The following MYO18B variants were observed in gnomAD, a reference collection of about 807,000 sequenced individuals.
The protein encoded by MYO18B is myosin XVIIIB.
In MYO18B, 204 loss-of-function variants were observed where a neutral mutation model predicts 273.0. That is an observed-to-expected ratio of 0.75 (90% CI 0.67 to 0.84). The LOEUF (loss-of-function observed/expected upper bound fraction) is 0.84. Among genes scored for constraint, MYO18B ranks in the 40% least tolerant of loss-of-function variants. MYO18B has a pLI of 0.00. For missense variants in MYO18B, 3,212 were observed against 3,287.6 expected (o/e 0.98, Z 0.56); for synonymous variants, 1,330 against 1,305.7 (o/e 1.02, Z -0.40).
intron 33 of MYO18B, among the ~76,000 whole-genome samples, chr22:25,920,654 A>C (rs2092327155): frequency 6.6e-6 from 1 of 152,250 alleles, no homozygotes; most frequent in Admixed American, 6.5e-5. Context: ...GAAAGGATTG[A>C]CTTCAAAAGG....
At chr22:25,792,513 TG>T (rs2087721994) in intron 11 of MYO18B, among the ~76,000 whole-genome samples, 1 of 145,404 alleles carries the variant, frequency 6.9e-6, no homozygotes, top group African/African-American at 2.5e-5. Context: ...TTTTTTTTTT[TG>T]AGACAGAGTC....
At chr22:26,014,166 A>G (rs1188986924) in intron 42 of MYO18B, among the ~76,000 whole-genome samples, 2 of 152,186 alleles carry the variant, frequency 1.3e-5, no homozygotes, top group Non-Finnish European at 2.9e-5. Flanking sequence ...ATGAATTGAT[A>G]CTTATTTGTG....
chr22:25,943,641 C>T (rs2092670330), intron 34 of MYO18B, among the ~76,000 whole-genome samples: 1 of 151,852 alleles, frequency 6.6e-6, no homozygotes, highest in South Asian at 2.1e-4. Flanking sequence ...AGGGCCTTTG[C>T]ACTTGCTATT....
chr22:25,788,860 G>A (rs1055756959), intron 11 of MYO18B, among the ~76,000 whole-genome samples: 4 of 152,128 alleles, frequency 2.6e-5, no homozygotes, highest in South Asian at 4.2e-4. Flanking sequence ...CAGTACCAGC[G>A]GTTAAGCTGG....
chr22:25,757,870 CT>C (rs1350212963), intron 1 of MYO18B, among the ~76,000 whole-genome samples: 1 of 152,206 alleles, frequency 6.6e-6, no homozygotes, highest in Non-Finnish European at 1.5e-5. Flanking sequence ...TGTACTCAAT[CT>C]TACTTTACAA....
chr22:25,881,053 G>T (rs569652061), intron 25 of MYO18B, among the ~76,000 whole-genome samples: 73 of 152,340 alleles, frequency 4.8e-4, no homozygotes, highest in African/African-American at 1.5e-3. Flanking sequence ...ATGGACAATG[G>T]TAACTGTAAA....
intron 15 of MYO18B, 29 bp from the exon 16 acceptor site, chr22:25,832,888 G>A: frequency 6.3e-7 from 1 of 1,592,660 alleles, no homozygotes; most frequent in Non-Finnish European, 8.6e-7. Context: ...CGCTAAAAGT[G>A]CTAACTTTTA....
At chr22:25,946,319 A>T (rs746210290) in intron 35 of MYO18B, 69 bp downstream of exon 35, 10 of 1,097,694 alleles carry the variant, frequency 9.1e-6, no homozygotes, top group Non-Finnish European at 1.2e-5. Flanking sequence ...GTGTGGGCCT[A>T]GTGTGCGCTC....
At chr22:25,837,990 C>T (rs1307799592) in intron 17 of MYO18B, among the ~76,000 whole-genome samples, 2 of 151,992 alleles carry the variant, frequency 1.3e-5, no homozygotes, top group Non-Finnish European at 2.9e-5. Flanking sequence ...GGTATTAAGC[C>T]CAGCATCCAG....
chr22:25,744,228 A>T (rs1383580637), intron 1 of MYO18B, among the ~76,000 whole-genome samples: 1 of 152,156 alleles, frequency 6.6e-6, no homozygotes, highest in East Asian at 1.9e-4. Context: ...TAAGATCAAG[A>T]CTTTCTATGG....
At chr22:26,052,896 G>A in the MYO18B span, among the ~76,000 whole-genome samples, 4 of 149,488 alleles carry the variant, frequency 2.7e-5, no homozygotes, top group African/African-American at 9.9e-5. Context: ...TCTGCCTCCC[G>A]GGTTCATGCC....
chr22:26,051,216 CTTTTTT>C, the MYO18B span, among the ~76,000 whole-genome samples: 1 of 92,584 alleles, frequency 1.1e-5, no homozygotes, highest in South Asian at 4.6e-4. Context: ...TAATTGGTCC[CTTTTTT>C]TTTTTTTTTT....
the MYO18B span, among the ~76,000 whole-genome samples, chr22:26,050,275 T>C: frequency 1.3e-5 from 2 of 152,212 alleles, no homozygotes; most frequent in Non-Finnish European, 2.9e-5. Flanking sequence ...GTGTCATAAT[T>C]ACACACCGGA....
At chr22:25,912,655 T>G (rs2092180650) in intron 33 of MYO18B, among the ~76,000 whole-genome samples, 1 of 152,218 alleles carries the variant, frequency 6.6e-6, no homozygotes, top group African/African-American at 2.4e-5. Context: ...CACTCAGGGT[T>G]CACATAAATT....
In MYO18B at chr22:25,826,481, T is replaced by C. The variant is rs2145907185; in HGVS notation, c.2768T>C (p.Val923Ala). Residue 923 changes from valine (V) to alanine (A), a missense_variant, in exon 14 of 44, where the codon GTG becomes GCG. Transcript: ENST00000335473. Reference sequence around the variant, plus strand: ...CTGTACCAGGAACTCTTTGCGGCTGTGGTCTCACTCATCAACAGGTAACGG... The same window carrying C: ...CTGTACCAGGAACTCTTTGCGGCTGCGGTCTCACTCATCAACAGGTAACGG... Reference protein sequence around the residue: ...SGLYQELFAAVVSLINRSFSS... With the variant: ...SGLYQELFAAAVSLINRSFSS... 1.9e-6 allele frequency: 3 copies of C among 1,613,786 alleles called. No homozygotes were observed. The highest frequency in any genetic ancestry group is 2.5e-6 in the Non-Finnish European group (3 of 1,179,712).
At chr22:26,050,232 G>T in the MYO18B span, among the ~76,000 whole-genome samples, 7,868 of 152,254 alleles carry the variant, frequency 0.052, 299 homozygotes, top group African/African-American at 0.12. Flanking sequence ...CCATTTATCT[G>T]TGGCCAGATA....
chr22:25,989,554 G>A (rs2093238489), intron 39 of MYO18B, among the ~76,000 whole-genome samples: 2 of 150,780 alleles, frequency 1.3e-5, no homozygotes, highest in East Asian at 3.9e-4. Flanking sequence ...AGGCCGAGGC[G>A]GGTGGATCAC....
chr22:25,761,106 C>T lies in MYO18B; in HGVS notation c.14C>T (p.Ser5Leu), dbSNP rs2086297865. 1 of 1,613,546 alleles carries T rather than the reference C, an allele frequency of 6.2e-7. No homozygotes were observed. Among genetic ancestry groups the T allele is most frequent in the Non-Finnish European group, 8.5e-7 (1 of 1,179,890 alleles). Reference protein sequence around the residue: MAISSRLALWEQKIR... With the variant: MAISLRLALWEQKIR... ...CACTGCCTCAGCATGGCCATCTCATCACGCCTCGCCCTGTGGGAGCAGAAG... is the reference window on the plus strand; with the variant it reads ...CACTGCCTCAGCATGGCCATCTCATTACGCCTCGCCCTGTGGGAGCAGAAG... The change falls in exon 2 of 44, where the codon TCA becomes TTA. Residue 5 changes from serine (S) to leucine (L), a missense_variant. Coordinates refer to ENST00000335473, the MANE Select transcript of MYO18B (RefSeq NM_032608.7).
chr22:25,894,901 G>A, intron 27 of MYO18B: 1 of 429,926 alleles, frequency 2.3e-6, no homozygotes. Context: ...AACAGTATAA[G>A]GCAACCAATC....
Sources: gnomAD v4.1 joint callset for allele counts (sites outside exome capture counted in the v4.1 genomes callset) on GRCh38, gnomAD v4.1.1 for gene constraint, MANE v1.5 for transcripts, NCBI Gene and HGNC (gene_info 2026-07-23, HGNC 2026-07-21) for gene names.